CDK1: variants seen among roughly 807,000 people sequenced by gnomAD.
CDK1 encodes the protein cyclin dependent kinase 1.
CDK1 carries 5 observed loss-of-function variants against 34.6 expected under a neutral mutation model. The observed-to-expected ratio is 0.14, with a 90% CI of 0.08 to 0.30. The LOEUF (loss-of-function observed/expected upper bound fraction) is 0.30, where lower values mean the gene tolerates loss of function less well. Ranked by LOEUF, CDK1 falls within the 10% of genes least tolerant of loss-of-function variation. CDK1 has a pLI of 1.00. For missense variants in CDK1, 157 were observed against 345.7 expected (o/e 0.45, Z 4.33); for synonymous variants, 108 against 114.7 (o/e 0.94, Z 0.37).
chr10:60,791,457 T>G lies in CDK1; in HGVS notation c.490-433T>G, dbSNP rs192545942. On this transcript the variant is annotated intron_variant, in intron 5 of 7. Coordinates refer to ENST00000395284, the MANE Select transcript of CDK1 (RefSeq NM_001786.5). ...ATCATCTCTGCACACAGGGACAATT[T>G]GACTTCTTCCTTGGCAATTTGGATG... 2.8e-4 allele frequency among the ~76,000 whole-genome samples: 42 copies of G among 152,302 alleles called. 1 individual carries two copies. In the East Asian group the frequency reaches 7.5e-3, roughly 27 times the overall value.
chr10:60,779,480 G>A (rs1306168267), intron 1 of CDK1, among the ~76,000 whole-genome samples: 2 of 151,906 alleles, frequency 1.3e-5, no homozygotes, highest in African/African-American at 2.4e-5. Flanking sequence ...TTTTATCTGT[G>A]GAATTGCACT....
intron 6 of CDK1, 47 bp from the exon 7 acceptor site, chr10:60,792,101 G>A (rs1319799399): frequency 1.9e-6 from 3 of 1,597,964 alleles, no homozygotes; most frequent in Non-Finnish European, 2.6e-6. Flanking sequence ...ATGTAACAAT[G>A]AGATTACATT....
chr10:60,792,115 G>C (rs1376552850), intron 6 of CDK1, 33 bp from the exon 7 acceptor site: 7 of 1,597,928 alleles, frequency 4.4e-6, no homozygotes, highest in Non-Finnish European at 6.0e-6. Context: ...TTACATTTAT[G>C]CTTTAAGAAA....
At chr10:60,780,048 C>A in intron 1 of CDK1, 93 bp from the exon 2 acceptor site, 1 of 700,580 alleles carries the variant, frequency 1.4e-6, no homozygotes, top group Non-Finnish European at 2.6e-6. Context: ...GCAGTAGGCA[C>A]TGTGGAAAAT....
chr10:60,780,243 A>C lies in CDK1; in HGVS notation c.37+41A>C, dbSNP rs777096655. 11 of 992,786 alleles carry C rather than the reference A, an allele frequency of 1.1e-5. No individual in the cohort carries two copies. The East Asian group carries it at 2.6e-4, about 24-fold the overall frequency. The allele number at this position is 992,786 out of a possible 1,614,324, so 61.5% of individuals were successfully genotyped here. ...AAAATAAATTTTATGGAATGATTTA[A>C]CAATGCTACAACTTCTGTAATATGA... On this transcript the variant is annotated intron_variant, in intron 2 of 7. Transcript: ENST00000395284.
At position 60,780,177 on chromosome 10, in the gene CDK1, T is replaced by C; in HGVS notation, c.12T>C (p.Tyr4=). MED[Y]TKIEKIGEGT... is the part of the protein sequence containing the mutation. ...CCCATTGACTAACTATGGAAGATTATACCAAAATAGAGAAAATTGGAGAAG... is the reference window on the plus strand; with the variant it reads ...CCCATTGACTAACTATGGAAGATTACACCAAAATAGAGAAAATTGGAGAAG... Residue 4 remains tyrosine, a synonymous_variant, in exon 2 of 8, where the codon TAT becomes TAC. Transcript: ENST00000395284. 1 of 1,540,654 alleles carries C rather than the reference T, an allele frequency of 6.5e-7. No individual in the cohort carries two copies. The highest frequency in any genetic ancestry group is 1.1e-5 in the South Asian group (1 of 89,420).
chr10:60,787,874 A>G, intron 4 of CDK1, 186 bp from the exon 5 acceptor site: 1 of 363,180 alleles, frequency 2.8e-6, no homozygotes, highest in Admixed American at 4.6e-5. Flanking sequence ...TTCTTTTCTT[A>G]GGTATACAAA....
At chr10:60,790,406 C>T (rs2080351224) in intron 5 of CDK1, among the ~76,000 whole-genome samples, 1 of 152,060 alleles carries the variant, frequency 6.6e-6, no homozygotes, top group African/African-American at 2.4e-5. Flanking sequence ...CACCACCATG[C>T]TAGGCTGATT....
At chr10:60,785,347 G>A (rs2132067569) in intron 3 of CDK1, among the ~76,000 whole-genome samples, 2 of 152,276 alleles carry the variant, frequency 1.3e-5, no homozygotes, top group South Asian at 4.1e-4. Context: ...TTTAAGGTCA[G>A]ATACCACTTT....
intron 2 of CDK1, among the ~76,000 whole-genome samples, chr10:60,784,108 A>AGG: frequency 6.6e-6 from 1 of 152,336 alleles, no homozygotes; most frequent in East Asian, 1.9e-4. Context: ...GGTTAATTTT[A>AGG]ATTTGCAAAT....
In CDK1 at chr10:60,784,692, T is replaced by C. The variant is rs781470972; in HGVS notation, c.38-13T>C. On this transcript the variant is annotated splice_polypyrimidine_tract_variant and intron_variant, in intron 2 of 7. Transcript: ENST00000395284. Reference sequence around the variant, plus strand: ...GGGGTGTGTCACACAGCATATTATTTACTTTGTTTCAGGTACCTATGGAGT... The same window carrying C: ...GGGGTGTGTCACACAGCATATTATTCACTTTGTTTCAGGTACCTATGGAGT... 20 of 1,601,214 alleles carry C rather than the reference T, an allele frequency of 1.2e-5. No individual in the cohort carries two copies. Among genetic ancestry groups the C allele is most frequent in the Non-Finnish European group, 1.6e-5 (19 of 1,171,062 alleles).
chr10:60,784,669 G>T (rs2080300527), intron 2 of CDK1, 36 bp from the exon 3 acceptor site: 5 of 1,527,982 alleles, frequency 3.3e-6, no homozygotes, highest in Non-Finnish European at 4.4e-6. Context: ...TAGTTTGTGG[G>T]GTGTGTCACA....
At chr10:60,779,985 T>C (rs2080258095) in intron 1 of CDK1, among the ~76,000 whole-genome samples, 156 bp from the exon 2 acceptor site, 1 of 152,206 alleles carries the variant, frequency 6.6e-6, no homozygotes, top group Admixed American at 6.5e-5. Context: ...TAGGAGTCCT[T>C]ACCCTTGTAA....
At position 60,792,118 on chromosome 10, in the gene CDK1, T is replaced by A. The variant is rs2080364326; in HGVS notation, c.654-30T>A. On this transcript the variant is annotated intron_variant, in intron 6 of 7. Coordinates refer to ENST00000395284, the MANE Select transcript of CDK1 (RefSeq NM_001786.5). ...GTAACAATGAGATTACATTTATGCT[T>A]TAAGAAATTTTTAATTTCCTGTTTT... The A allele has an allele frequency of 2.5e-6, 4 of 1,598,298 alleles. No individual in the cohort carries two copies. In the South Asian group the frequency reaches 3.4e-5, roughly 14 times the overall value.
intron 5 of CDK1, 39 bp from the exon 6 acceptor site, chr10:60,791,850 GC>G: frequency 8.5e-7 from 1 of 1,178,320 alleles, no homozygotes; most frequent in Non-Finnish European, 1.2e-6. Context: ...GTAATTTTAT[GC>G]ACCACATTTA....
chr10:60,786,330 AG>A (rs2080315744), intron 4 of CDK1: 7 of 926,002 alleles, frequency 7.6e-6, no homozygotes, highest in African/African-American at 1.8e-5. Context: ...ATGTATATAA[AG>A]ATTTTTTTTT....
At chr10:60,780,410 C>T (rs181303813) in intron 2 of CDK1, among the ~76,000 whole-genome samples, 1 of 152,250 alleles carries the variant, frequency 6.6e-6, no homozygotes, top group Non-Finnish European at 1.5e-5. Flanking sequence ...AATGACCGTT[C>T]GCCTCACCCC....
intron 4 of CDK1, chr10:60,787,217 CTTTCAG>C (rs2080323689): frequency 4.1e-6 from 1 of 242,678 alleles, no homozygotes; most frequent in South Asian, 1.5e-4. Flanking sequence ...TGTTTTTTCA[CTTTCAG>C]TACAGTATTC....
chr10:60,787,369 T>C (rs1048484127), intron 4 of CDK1, among the ~76,000 whole-genome samples: 6 of 152,094 alleles, frequency 3.9e-5, no homozygotes, highest in African/African-American at 1.4e-4. Flanking sequence ...ATTTTCAGCT[T>C]AGAATGAGTT....
Sources: gnomAD v4.1 joint callset for allele counts (sites outside exome capture counted in the v4.1 genomes callset) on GRCh38, gnomAD v4.1.1 for gene constraint, MANE v1.5 for transcripts, NCBI Gene and HGNC (gene_info 2026-07-23, HGNC 2026-07-21) for gene names.